Variants in ZNF721 observed in about 807,000 individuals in gnomAD.
ZNF721 encodes the protein zinc finger protein 721.
ZNF721 carries 2 observed loss-of-function variants against 2.4 expected under a neutral mutation model. The ratio of observed to expected loss-of-function variants is 0.82; its 90% CI spans 0.34 to 2.58. ZNF721 has a LOEUF of 2.58. Ranked by LOEUF, ZNF721 falls within the 30% of genes most tolerant of loss-of-function variation. The pLI, the probability that ZNF721 is intolerant of heterozygous loss-of-function variation, is 0.11. For synonymous variants in ZNF721, 398 were observed against 381.8 expected (o/e 1.04, Z -0.50); for missense variants, 1,187 against 1,085.5 (o/e 1.09, Z -1.31).
chr4:479,376 C>A (rs1715716962), intron 1 of ZNF721, among the ~76,000 whole-genome samples: 1 of 152,194 alleles, frequency 6.6e-6, no homozygotes, highest in African/African-American at 2.4e-5. Context: ...CTCAGCCAGC[C>A]ACTGCCTCTG....
intron 1 of ZNF721, among the ~76,000 whole-genome samples, chr4:490,231 C>T (rs1553871291): frequency 6.6e-6 from 1 of 151,838 alleles, no homozygotes; most frequent in Non-Finnish European, 1.5e-5. Context: ...AATCCCAGCA[C>T]TTTGGGAGGC....
At chr4:485,899 G>A (rs1392749936) in intron 1 of ZNF721, among the ~76,000 whole-genome samples, 49 of 152,026 alleles carry the variant, frequency 3.2e-4, no homozygotes, top group African/African-American at 1.1e-3. Flanking sequence ...TGCTTGAACC[G>A]AGGAGGTAGA....
At chr4:495,527 T>C (rs1553872105) in intron 1 of ZNF721, among the ~76,000 whole-genome samples, 1 of 149,348 alleles carries the variant, frequency 6.7e-6, no homozygotes, top group East Asian at 2.0e-4. Flanking sequence ...AATGGATAAA[T>C]TGAGTGTGAG....
chr4:488,382 T>G (rs1715946618), intron 1 of ZNF721, among the ~76,000 whole-genome samples: 1 of 152,212 alleles, frequency 6.6e-6, no homozygotes, highest in Non-Finnish European at 1.5e-5. Context: ...AGTTACAGCC[T>G]GACAGGTCCA....
At chr4:463,458 T>C (rs1715132660) in intron 2 of ZNF721, among the ~76,000 whole-genome samples, 1 of 152,200 alleles carries the variant, frequency 6.6e-6, no homozygotes, top group African/African-American at 2.4e-5. Context: ...CATGAACACG[T>C]ATTTTTATTG....
At chr4:482,542 G>C (rs1553869689) in intron 1 of ZNF721, among the ~76,000 whole-genome samples, 1 of 151,866 alleles carries the variant, frequency 6.6e-6, no homozygotes, top group Non-Finnish European at 1.5e-5. Flanking sequence ...TGTCACCCAG[G>C]TTGAAGTGAA....
chr4:451,462 C>G (rs1714659307), intron 2 of ZNF721, among the ~76,000 whole-genome samples: 1 of 152,152 alleles, frequency 6.6e-6, no homozygotes, highest in African/African-American at 2.4e-5. Flanking sequence ...GGTCTCATAG[C>G]ATGACGAAGC....
At chr4:456,048 A>T (rs999908318) in intron 2 of ZNF721, among the ~76,000 whole-genome samples, 33 of 110,890 alleles carry the variant, frequency 3.0e-4, no homozygotes, top group African/African-American at 9.3e-4. Flanking sequence ...CACCAAAAAA[A>T]TTTTTATTTA....
chr4:456,999 T>C (rs1176557036), intron 2 of ZNF721, among the ~76,000 whole-genome samples: 4 of 152,186 alleles, frequency 2.6e-5, no homozygotes, highest in Admixed American at 2.6e-4. Flanking sequence ...ATAATATAGA[T>C]GTATCATAAA....
At chr4:446,283 T>A (rs1289287919) in intron 2 of ZNF721, among the ~76,000 whole-genome samples, 3 of 152,150 alleles carry the variant, frequency 2.0e-5, no homozygotes, top group Admixed American at 2.0e-4. Context: ...ATAAAAATGA[T>A]CATAAACTGT....
chr4:486,235 T>C (rs1413682257), intron 1 of ZNF721, among the ~76,000 whole-genome samples: 24 of 151,416 alleles, frequency 1.6e-4, no homozygotes, highest in African/African-American at 5.8e-4. Context: ...CTTGGCTCAT[T>C]GCAACTTCTG....
chr4:450,970 T>A (rs1243983013), intron 2 of ZNF721, among the ~76,000 whole-genome samples: 2,982 of 65,150 alleles, frequency 0.046, 119 homozygotes, highest in Non-Finnish European at 0.063. Flanking sequence ...TATATATATA[T>A]ATATATATAT....
chr4:469,535 T>A (rs1030459867), intron 2 of ZNF721, among the ~76,000 whole-genome samples: 1 of 152,198 alleles, frequency 6.6e-6, no homozygotes, highest in Non-Finnish European at 1.5e-5. Context: ...GCGATCCCTA[T>A]CAAAATTTTA....
chr4:487,341 A>G (rs1308129031), intron 1 of ZNF721, among the ~76,000 whole-genome samples: 1 of 152,136 alleles, frequency 6.6e-6, no homozygotes, highest in East Asian at 1.9e-4. Flanking sequence ...AACTTTCTGG[A>G]GAATAAAGTA....
chr4:473,850 G>A lies in ZNF721; in HGVS notation c.-93-1149C>T, dbSNP rs1553868146. 1.2e-5 allele frequency: 14 copies of A among 1,158,452 alleles called. No homozygotes were observed. In the East Asian group the frequency reaches 4.5e-4, roughly 38 times the overall value. The allele number at this position is 1,158,452 out of a possible 1,614,324, so 71.8% of individuals were successfully genotyped here. On this transcript the variant is annotated intron_variant, in intron 1 of 2. Transcript: ENST00000511833. ...ACAGGAGCGCGGGTCCCTCACCGGA[G>A]GGGACTGAGGACCGAGGGCTAAGCG... is the stretch of plus-strand genomic sequence containing the variant.
intron 2 of ZNF721, among the ~76,000 whole-genome samples, chr4:468,889 CATT>C (rs148391118): frequency 5.8e-4 from 88 of 152,256 alleles, no homozygotes; most frequent in Non-Finnish European, 1.0e-3. Context: ...TCTATCTTAA[CATT>C]ATTACCAAAA....
At chr4:449,852 T>C (rs1714590876) in intron 2 of ZNF721, among the ~76,000 whole-genome samples, 1 of 152,052 alleles carries the variant, frequency 6.6e-6, no homozygotes, top group African/African-American at 2.4e-5. Flanking sequence ...AACCACAAGA[T>C]ACCACTTCAC....
chr4:470,707 T>C (rs1240456529), intron 2 of ZNF721, among the ~76,000 whole-genome samples: 28 of 151,604 alleles, frequency 1.8e-4, no homozygotes, highest in Admixed American at 1.8e-3. Flanking sequence ...AGAGCAAAAC[T>C]GTGTCTCAAA....
At chr4:474,012 T>C (rs782616354) in intron 1 of ZNF721, 11 of 1,503,340 alleles carry the variant, frequency 7.3e-6, no homozygotes, top group South Asian at 2.2e-5. Flanking sequence ...TCGCGAAGTC[T>C]TAGCTACGAA....
Sources: allele counts gnomAD v4.1 joint callset (sites outside exome capture counted in the v4.1 genomes callset), GRCh38; gene constraint gnomAD v4.1.1; transcripts MANE v1.5; gene names NCBI Gene and HGNC (gene_info 2026-07-23, HGNC 2026-07-21).